SRGAP3: variants seen among roughly 807,000 people sequenced by gnomAD.
The protein encoded by SRGAP3 is SLIT-ROBO Rho GTPase-activating protein 3.
Under a neutral mutation model 121.1 loss-of-function variants are expected in SRGAP3, and 39 were observed. The observed-to-expected ratio is 0.32, with a 90% CI of 0.25 to 0.42. The LOEUF is 0.42. SRGAP3 is among the 10% of genes least tolerant of loss of function. SRGAP3 has a pLI of 1.00. For synonymous variants in SRGAP3, 601 were observed against 570.0 expected (o/e 1.05, Z -0.77); for missense variants, 1,213 against 1,470.6 (o/e 0.82, Z 2.86).
chr3:9,330,599 G>T, intron 1 of SRGAP3: 1 of 152,942 alleles, frequency 6.5e-6, no homozygotes, highest in South Asian at 1.9e-4. Flanking sequence ...GACATCATCT[G>T]ATAAAAGAAA....
intron 14 of SRGAP3, among the ~76,000 whole-genome samples, chr3:9,023,984 G>A (rs1469079091): frequency 3.3e-5 from 5 of 152,190 alleles, no homozygotes; most frequent in Non-Finnish European, 4.4e-5. Flanking sequence ...TTCCTCCACC[G>A]CAGGATGGAA....
Position 9,213,094 on chromosome 3 carries a change from G to A in SRGAP3, c.67+35791C>T, listed in dbSNP as rs1364374499. ...CTCGACCTGGTGTCCTTCTGTAGGG[G>A]ACAACCTCCATAGCCACACGGGTAG... On this transcript the variant is annotated intron_variant, in intron 1 of 21. Transcript: ENST00000383836. 2.6e-5 allele frequency among the ~76,000 whole-genome samples: 4 copies of A among 152,138 alleles called. No individual in the cohort carries two copies. In the East Asian group the frequency reaches 7.7e-4, roughly 29 times the overall value.
intron 1 of SRGAP3, among the ~76,000 whole-genome samples, chr3:9,230,856 CAA>C (rs544760262): frequency 3.6e-4 from 33 of 91,088 alleles, no homozygotes; most frequent in Admixed American, 6.3e-4. Flanking sequence ...GACCCTATCT[CAA>C]AAAAAAAAAA....
intron 3 of SRGAP3, among the ~76,000 whole-genome samples, chr3:9,258,745 G>C (rs1954187637): frequency 6.6e-6 from 1 of 152,026 alleles, no homozygotes; most frequent in African/African-American, 2.4e-5. Context: ...CACGAATACT[G>C]CCTCCCTCTA....
Position 9,239,241 on chromosome 3 carries a change from G to C in SRGAP3, c.67+9644C>G, listed in dbSNP as rs1033658931. 3.9e-5 allele frequency among the ~76,000 whole-genome samples: 6 copies of C among 152,064 alleles called. No individual in the cohort carries two copies. Among genetic ancestry groups the C allele is most frequent in the African/African-American group, 1.4e-4 (6 of 41,388 alleles). On this transcript the variant is annotated intron_variant, in intron 1 of 21. Transcript: ENST00000383836. The surrounding 1 kb of genome is among the most constrained non-coding windows in gnomAD (Gnocchi z 4.0). ...CTAAAAATACAAAAATTAGCTGGAC[G>C]TAGTGGCTGGCACCTGTAATCCCAG...
intron 21 of SRGAP3, among the ~76,000 whole-genome samples, chr3:8,986,983 C>G (rs1383346340): frequency 6.6e-6 from 1 of 152,212 alleles, no homozygotes; most frequent in Non-Finnish European, 1.5e-5. Flanking sequence ...AGCATTTAAC[C>G]CAAGAGCCCT....
chr3:9,066,581 C>T (rs1402906648), intron 4 of SRGAP3, among the ~76,000 whole-genome samples: 1 of 152,094 alleles, frequency 6.6e-6, no homozygotes, highest in Non-Finnish European at 1.5e-5. Flanking sequence ...CTCACTGCAA[C>T]CTCCACCTCC....
chr3:9,325,031 C>T (rs567894499), intron 3 of SRGAP3, among the ~76,000 whole-genome samples: 82 of 151,876 alleles, frequency 5.4e-4, no homozygotes, highest in Middle Eastern at 3.4e-3. Flanking sequence ...AGGGCCTTAG[C>T]ACCACTCTCA....
chr3:9,258,977 T>TC (rs1198624575), intron 3 of SRGAP3, among the ~76,000 whole-genome samples: 4 of 152,164 alleles, frequency 2.6e-5, no homozygotes, highest in African/African-American at 9.7e-5. Context: ...GAATGCACGC[T>TC]CCTCCCCATG....
At chr3:9,318,161 T>C (rs1574999861) in intron 3 of SRGAP3, among the ~76,000 whole-genome samples, 1 of 151,942 alleles carries the variant, frequency 6.6e-6, no homozygotes, top group Non-Finnish European at 1.5e-5. Context: ...GTCCTTGCTG[T>C]TGTCTATCCA....
chr3:9,025,899 C>T (rs187492547), intron 13 of SRGAP3, among the ~76,000 whole-genome samples: 3 of 152,260 alleles, frequency 2.0e-5, no homozygotes, highest in East Asian at 1.9e-4. Context: ...AACAATTTTC[C>T]ACATTATAAT....
Position 9,104,638 on chromosome 3 carries a change from G to C in SRGAP3, c.423+42C>G, listed in dbSNP as rs908185128. 4 of 1,612,392 alleles carry C rather than the reference G, an allele frequency of 2.5e-6. No homozygotes were observed. The East Asian group carries it at 8.9e-5, about 36-fold the overall frequency. On this transcript the variant is annotated intron_variant, in intron 3 of 21. Transcript: ENST00000383836. Reference sequence around the variant, plus strand: ...GTATACTGTTACCATGGGCCAGCTTGGGGCAAAGACCTGGGACACGTAGAG... The same window carrying C: ...GTATACTGTTACCATGGGCCAGCTTCGGGCAAAGACCTGGGACACGTAGAG...
At position 9,343,003 on chromosome 3, in the gene SRGAP3, G is replaced by C. The variant is rs571182809; in HGVS notation, n.215-12407C>G. ...CTGTCCGGGCCCACCATGCCTCTTC[G>C]ATCTTCTCACTGGACTCCTTGTCCC... On this transcript the variant is annotated intron_variant and non_coding_transcript_variant, in intron 1 of 3. Coordinates refer to the SRGAP3 transcript ENST00000490889. Among the ~76,000 whole-genome samples the C allele has an allele frequency of 1.4e-4, 22 of 152,290 alleles. No individual in the cohort carries two copies. The South Asian group carries it at 2.5e-3, about 17-fold the overall frequency.
chr3:9,127,534 G>A (rs1467734605), intron 1 of SRGAP3, among the ~76,000 whole-genome samples: 5 of 152,166 alleles, frequency 3.3e-5, no homozygotes, highest in South Asian at 2.1e-4. Context: ...TGCAACCTCC[G>A]CCTCCTGGGT....
intron 1 of SRGAP3, among the ~76,000 whole-genome samples, chr3:9,162,810 C>T (rs1950641541): frequency 6.6e-6 from 1 of 152,228 alleles, no homozygotes. Flanking sequence ...AATGGGAGTA[C>T]TTACCTTGTA....
intron 1 of SRGAP3, among the ~76,000 whole-genome samples, chr3:9,171,988 C>T (rs906101577): frequency 2.6e-5 from 4 of 152,032 alleles, no homozygotes; most frequent in Non-Finnish European, 5.9e-5. Flanking sequence ...TCTCTGGATT[C>T]ATGCTCCCAT....
intron 18 of SRGAP3, among the ~76,000 whole-genome samples, chr3:8,999,082 G>C (rs1335287996): frequency 6.6e-6 from 1 of 152,248 alleles, no homozygotes; most frequent in Non-Finnish European, 1.5e-5. Context: ...TTCAACTCCT[G>C]TGTATTGAGA....
chr3:8,994,248 T>C lies in SRGAP3; in HGVS notation c.2408+95A>G, dbSNP rs572885693. The C allele has an allele frequency of 1.0e-4, 157 of 1,496,328 alleles. 2 individuals are homozygous for C. The South Asian group carries it at 1.6e-3, about 15-fold the overall frequency. 92.7% of individuals were successfully genotyped at this position (1,496,328 alleles called of 1,614,324 possible). A position where few individuals can be genotyped will look rare whatever the true frequency, so the allele number is the denominator to read the frequency against. ...AGCGTATGATATCAAGGAGAGCAAA[T>C]TGCTGGCATACAAGCTAGCACTCCC... On this transcript the variant is annotated intron_variant, in intron 19 of 21. Coordinates refer to ENST00000383836, the MANE Select transcript of SRGAP3 (RefSeq NM_014850.4).
Position 9,058,233 on chromosome 3 carries a change from C to G in SRGAP3, c.1023+18G>C. ...AGAGGGAAGCAGCCCCAAGCCCGGG[C>G]TCCAGGAGGAAGCCTACCTCATCCC... On this transcript the variant is annotated intron_variant, in intron 7 of 21. Transcript: ENST00000383836. 6.2e-7 allele frequency: 1 copy of G among 1,613,640 alleles called. No individual in the cohort carries two copies. Among genetic ancestry groups the G allele is most frequent in the Non-Finnish European group, 8.5e-7 (1 of 1,179,792 alleles).
Sources: allele counts gnomAD v4.1 joint callset (sites outside exome capture counted in the v4.1 genomes callset), GRCh38; gene constraint gnomAD v4.1.1; non-coding constraint Gnocchi (gnomAD v3.1); transcripts MANE v1.5; gene names NCBI Gene and HGNC (gene_info 2026-07-23, HGNC 2026-07-21).